Variants in ARMC6 observed in about 807,000 individuals in gnomAD.
ARMC6 encodes armadillo repeat-containing protein 6.
In ARMC6, 43 loss-of-function variants were observed where a neutral mutation model predicts 49.2. The observed-to-expected ratio is 0.87, with a 90% CI of 0.69 to 1.13. The LOEUF is 1.13. Among genes scored for constraint, ARMC6 ranks in the 50% most tolerant of loss-of-function variants. The pLI, the probability that ARMC6 is intolerant of heterozygous loss-of-function variation, is 0.00. For missense variants in ARMC6, 627 were observed against 682.0 expected, an observed-to-expected ratio of 0.92 and a Z score of 0.90; for synonymous variants, 262 against 289.6, an observed-to-expected ratio of 0.90 and a Z score of 0.97.
At chr19:19,034,696 C>G (rs1350570899) in intron 2 of ARMC6, among the ~76,000 whole-genome samples, 1 of 152,144 alleles carries the variant, frequency 6.6e-6, no homozygotes, top group Admixed American at 6.5e-5. Flanking sequence ...TCAAGGGCTT[C>G]CCCTGCCTCA....
At position 19,051,696 on chromosome 19, in the gene ARMC6, C is replaced by A. The variant is rs149026162; in HGVS notation, c.354C>A (p.Cys118Ter). Residue 118 changes from cysteine (C) to a stop codon, truncating the protein, a stop_gained, in exon 5 of 9, where the codon TGC (cysteine) becomes TGA (stop). Transcript: ENST00000535612. LOFTEE classifies it high-confidence loss of function. ...TGTCAGCATACCTCACCCGCTTCTG[C>A]GACCAGTGCAAACAGGACAAGGCCT... ...QEVSAYLTRFCDQCKQDKACR... is the reference protein window; with the variant it reads ...QEVSAYLTRF 5.0e-6 allele frequency: 8 copies of A among 1,613,836 alleles called. No homozygotes were observed. The East Asian group carries it at 1.8e-4, about 36-fold the overall frequency.
In ARMC6 at chr19:19,055,985, CAG is replaced by C. The variant is rs1465666545; in HGVS notation, c.1293+62_1293+63del. The C allele has an allele frequency of 1.9e-6, 3 of 1,556,266 alleles. No homozygotes were observed. The highest frequency in any genetic ancestry group is 1.3e-5 in the African/African-American group (1 of 74,172). The stretch of plus-strand genomic sequence containing the variant: ...CTGGTGTGGGATGTGCAGGTAGGTG[CAG>C]AGAGGGCATGGGAGCAGGTGCGGTG... On this transcript the variant is annotated intron_variant, in intron 8 of 8. Coordinates refer to ENST00000535612, the MANE Select transcript of ARMC6 (RefSeq NM_001199196.2). The surrounding 1 kb of genome is among the most constrained non-coding windows in gnomAD (Gnocchi z 5.7).
Position 19,043,988 on chromosome 19 carries a change from A to G in ARMC6, c.197-4A>G, listed in dbSNP as rs1466245847. On this transcript the variant is annotated splice_polypyrimidine_tract_variant and splice_region_variant and intron_variant, in intron 3 of 8. Coordinates refer to ENST00000535612, the MANE Select transcript of ARMC6 (RefSeq NM_001199196.2). ...TGTGTGCTTGCTTCCCCCACCCCCAACAGGGGTTGATCTGAGCAACATTGT... is the reference window on the plus strand; with the variant it reads ...TGTGTGCTTGCTTCCCCCACCCCCAGCAGGGGTTGATCTGAGCAACATTGT... 16 of 1,613,744 alleles carry G rather than the reference A, an allele frequency of 9.9e-6. No individual in the cohort carries two copies. Among genetic ancestry groups the G allele is most frequent in the Admixed American group, 3.3e-5 (2 of 59,988 alleles).
chr19:19,055,765 A>T lies in ARMC6; in HGVS notation c.1156-26A>T. ...GTGGGGGGTCTATCTGCTGCATCTC[A>T]GCCTTTCTGTGACTGGCCCCTGCAG... On this transcript the variant is annotated intron_variant, in intron 7 of 8. Transcript: ENST00000535612. This position sits in a 1 kb window ranked among gnomAD's most constrained non-coding sequence, Gnocchi z 5.7. The T allele has an allele frequency of 6.5e-7, 1 of 1,540,084 alleles. No homozygotes were observed. The highest frequency in any genetic ancestry group is 8.8e-7 in the Non-Finnish European group (1 of 1,133,044).
At position 19,055,478 on chromosome 19, in the gene ARMC6, T is replaced by C. The variant is rs1223773610; in HGVS notation, c.1155+82T>C. On this transcript the variant is annotated intron_variant, in intron 7 of 8. Transcript: ENST00000535612. This position sits in a 1 kb window ranked among gnomAD's most constrained non-coding sequence, Gnocchi z 5.7. ...GTTTCTGTATCTGCATGAAGCTCTA[T>C]TCCCCTGCAGGGCCAGGGCAGGGCT... The C allele has an allele frequency of 2.0e-6, 3 of 1,505,828 alleles. No individual in the cohort carries two copies. In the African/African-American group the frequency reaches 4.2e-5, roughly 21 times the overall value. The allele number at this position is 1,505,828 out of a possible 1,614,324, so 93.3% of individuals were successfully genotyped here. A position where few individuals can be genotyped will look rare whatever the true frequency, so the allele number is the denominator to read the frequency against.
intron 3 of ARMC6, 92 bp from the exon 4 acceptor site, chr19:19,043,900 G>T: frequency 8.5e-7 from 1 of 1,178,984 alleles, no homozygotes. Context: ...CCAGCAGAAG[G>T]GTCCTGAGGT....
At chr19:19,039,439 A>G (rs983213490) in intron 2 of ARMC6, 1 of 430,292 alleles carries the variant, frequency 2.3e-6, no homozygotes, top group Non-Finnish European at 4.6e-6. Flanking sequence ...GCCTGGCCTG[A>G]TGTAGTGATT....
In ARMC6 at chr19:19,055,910, G is replaced by A. The variant is rs151031705; in HGVS notation, c.1275G>A (p.Pro425=). Residue 425 remains proline, a synonymous_variant, in exon 8 of 9, where the codon CCG becomes CCA. Coordinates refer to ENST00000535612, the MANE Select transcript of ARMC6 (RefSeq NM_001199196.2). The surrounding 1 kb of genome is among the most constrained non-coding windows in gnomAD (Gnocchi z 5.7). The part of the protein sequence containing the change: ...VAALQAMKAH[P]QKAGVQKQAC... ...CACTGCAGGCCATGAAGGCACACCC[G>A]CAGAAGGCCGGCGTGCAGGTGGGCA... 1.4e-5 allele frequency: 23 copies of A among 1,610,726 alleles called. No individual in the cohort carries two copies. Among genetic ancestry groups the A allele is most frequent in the Admixed American group, 5.0e-5 (3 of 59,950 alleles).
chr19:19,054,053 AGGGCT>A, intron 5 of ARMC6, 94 bp from the exon 6 acceptor site: 3 of 1,265,370 alleles, frequency 2.4e-6, no homozygotes, highest in Non-Finnish European at 3.1e-6. Context: ...AATAGGCAGA[AGGGCT>A]GGACTCTTCC....
intron 4 of ARMC6, among the ~76,000 whole-genome samples, chr19:19,049,791 G>A (rs1461187118): frequency 1.3e-5 from 2 of 152,190 alleles, no homozygotes; most frequent in Admixed American, 1.3e-4. Flanking sequence ...GGGAGGCTGA[G>A]GTGGGCAGAT....
At chr19:19,039,179 G>T in intron 2 of ARMC6, 2 of 226,622 alleles carry the variant, frequency 8.8e-6, no homozygotes, top group Non-Finnish European at 1.9e-5. Flanking sequence ...CTGTCATCCA[G>T]ACCGGAGTGC....
At position 19,045,503 on chromosome 19, in the gene ARMC6, T is replaced by TTTTTTTTTTTTTTTC. The variant is rs1179872355; in HGVS notation, c.279+1430_279+1431insTTTTTTTTTTTTTCT. On this transcript the variant is annotated intron_variant, in intron 4 of 8. Coordinates refer to ENST00000535612, the MANE Select transcript of ARMC6 (RefSeq NM_001199196.2). ...GCATTATGCTAAATTCTTTTTTTTT[T>TTTTTTTTTTTTTTTC]TGAGACAAGAGTCTCACTCTGTTGC... Among the ~76,000 whole-genome samples, 7 of 141,016 alleles carry TTTTTTTTTTTTTTTC rather than the reference T, an allele frequency of 5.0e-5. 1 individual carries two copies. Among genetic ancestry groups the TTTTTTTTTTTTTTTC allele is most frequent in the African/African-American group, 1.9e-4 (7 of 36,132 alleles). 92.5% of individuals were successfully genotyped at this position (141,016 alleles called of 152,430 possible). A position where few individuals can be genotyped will look rare whatever the true frequency, so the allele number is the denominator to read the frequency against.
intron 3 of ARMC6, 40 bp downstream of exon 3, chr19:19,042,917 A>C: frequency 6.2e-7 from 1 of 1,609,202 alleles, no homozygotes; most frequent in Non-Finnish European, 8.5e-7. Context: ...CTTGGCTCTT[A>C]GATGCAAGAG....
chr19:19,042,872 C>T lies in ARMC6; in HGVS notation c.191C>T (p.Ser64Leu), dbSNP rs757687717. 3.7e-5 allele frequency: 60 copies of T among 1,613,560 alleles called. No individual in the cohort carries two copies. Among genetic ancestry groups the T allele is most frequent in the South Asian group, 1.5e-4 (14 of 91,080 alleles). ...AAAGAGGCCGTGGAGCAGTTTGAATCGCAAGGTAGGGTGGTGTGACTGTCA... is the reference window on the plus strand; with the variant it reads ...AAAGAGGCCGTGGAGCAGTTTGAATTGCAAGGTAGGGTGGTGTGACTGTCA... The part of the protein sequence containing the change: ...AVKEAVEQFE[S>L]QGVDLSNIVK... Residue 64 changes from serine to leucine, a missense_variant, in exon 3 of 9, where the codon TCG becomes TTG. Ser to Leu is a moderately radical substitution (Grantham distance 145). Transcript: ENST00000535612.
At chr19:19,053,668 G>C (rs185595097) in intron 5 of ARMC6, among the ~76,000 whole-genome samples, 1 of 152,064 alleles carries the variant, frequency 6.6e-6, no homozygotes, top group East Asian at 1.9e-4. Context: ...CCCTCTTGGC[G>C]TGAGTGCCGG....
Position 19,033,875 on chromosome 19 carries a change from GC to G in ARMC6, c.-134del, listed in dbSNP as rs2059298292. 2.7e-6 allele frequency: 1 copy of G among 364,002 alleles called. No individual in the cohort carries two copies. Among genetic ancestry groups the G allele is most frequent in the Non-Finnish European group, 5.0e-6 (1 of 198,972 alleles). The allele number at this position is 364,002 out of a possible 1,614,324, so 22.5% of individuals were successfully genotyped here. ...CGGCGGCCGGAAGGGGCTAGAGGCG[GC>G]TCCCTGGGTGACAACCGCGCGCCCC... On this transcript the variant is annotated 5_prime_UTR_variant, in exon 1 of 9. Transcript: ENST00000535612.
chr19:19,051,474 G>C, intron 4 of ARMC6, 148 bp from the exon 5 acceptor site: 1 of 697,264 alleles, frequency 1.4e-6, no homozygotes, highest in Non-Finnish European at 2.4e-6. Flanking sequence ...AGGTCTGGAA[G>C]TTGCCAGAGC....
intron 5 of ARMC6, among the ~76,000 whole-genome samples, chr19:19,053,122 T>A (rs151078873): frequency 1.5e-3 from 234 of 152,284 alleles, no homozygotes; most frequent in African/African-American, 5.4e-3. Context: ...GGGAAACACC[T>A]CAGTTTCCTT....
At chr19:19,050,100 T>C (rs2059483774) in intron 4 of ARMC6, among the ~76,000 whole-genome samples, 1 of 152,232 alleles carries the variant, frequency 6.6e-6, no homozygotes, top group African/African-American at 2.4e-5. Flanking sequence ...CTTAGCGTAA[T>C]GTCCTCAAGG....
Sources: allele counts gnomAD v4.1 joint callset (sites outside exome capture counted in the v4.1 genomes callset), GRCh38; gene constraint gnomAD v4.1.1; non-coding constraint Gnocchi (gnomAD v3.1); transcripts MANE v1.5; gene names NCBI Gene and HGNC (gene_info 2026-07-23, HGNC 2026-07-21).